EVC: variants seen among roughly 807,000 people sequenced by gnomAD.
The protein encoded by EVC is evC complex member EVC.
A neutral mutation model predicts 118.9 loss-of-function variants in EVC; 116 were observed. The observed-to-expected ratio is 0.98, with a 90% CI of 0.84 to 1.14. The LOEUF is 1.14. Ranked by LOEUF, EVC falls within the 50% of genes most tolerant of loss-of-function variation. The pLI is 0.00. For missense variants in EVC, 1,401 were observed against 1,246.4 expected (o/e 1.12, Z -1.87); for synonymous variants, 619 against 534.7 (o/e 1.16, Z -2.18).
chr4:5,824,291 T>G, the EVC span: 1 of 985,372 alleles, frequency 1.0e-6, no homozygotes, highest in Non-Finnish European at 1.2e-6. Context: ...CACATGACTT[T>G]TAGCATTCTA....
chr4:5,818,845 G>A (rs1421535547), downstream of EVC, among the ~76,000 whole-genome samples: 2 of 152,218 alleles, frequency 1.3e-5, no homozygotes, highest in East Asian at 1.9e-4. Flanking sequence ...TTCAGTTACA[G>A]TGATGCCAAA....
intron 15 of EVC, among the ~76,000 whole-genome samples, chr4:5,799,465 G>A (rs548351595): frequency 1.3e-5 from 2 of 152,322 alleles, no homozygotes; most frequent in South Asian, 2.1e-4. Context: ...TTGGGCAAAT[G>A]ATACATTTCC....
intron 2 of EVC, among the ~76,000 whole-genome samples, chr4:5,727,733 T>C (rs1726099144): frequency 6.6e-6 from 1 of 151,974 alleles, no homozygotes; most frequent in Non-Finnish European, 1.5e-5. Context: ...TTAATCCTTT[T>C]TGAATTGATT....
chr4:5,725,478 T>C (rs894950544), intron 2 of EVC, among the ~76,000 whole-genome samples: 1 of 152,244 alleles, frequency 6.6e-6, no homozygotes, highest in Non-Finnish European at 1.5e-5. Context: ...TGATCAGTGA[T>C]GTTGAGCTTT....
chr4:5,740,622 C>G (rs1728394931), intron 5 of EVC, among the ~76,000 whole-genome samples: 1 of 152,000 alleles, frequency 6.6e-6, no homozygotes, highest in Non-Finnish European at 1.5e-5. Context: ...TTTTGCTTTG[C>G]AAAAGACCTC....
chr4:5,802,217 T>C, intron 16 of EVC, 123 bp downstream of exon 16: 1 of 1,357,898 alleles, frequency 7.4e-7, no homozygotes, highest in Non-Finnish European at 1.0e-6. Flanking sequence ...TTTCAGTGTT[T>C]TAATGTATTT....
intron 4 of EVC, among the ~76,000 whole-genome samples, chr4:5,732,528 C>T (rs62298654): frequency 0.016 from 2,449 of 152,296 alleles, 31 homozygotes; most frequent in Non-Finnish European, 0.025. Flanking sequence ...ATTTAAAATG[C>T]ATTTGCCTAT....
chr4:5,803,017 G>A (rs1214804412), intron 16 of EVC, among the ~76,000 whole-genome samples: 1 of 152,220 alleles, frequency 6.6e-6, no homozygotes, highest in Non-Finnish European at 1.5e-5. Context: ...GTGACCATGA[G>A]TCCAGTGGTC....
intron 8 of EVC, among the ~76,000 whole-genome samples, chr4:5,748,660 CCA>C (rs1177970516): frequency 0.017 from 1,896 of 109,954 alleles, 112 homozygotes; most frequent in Non-Finnish European, 0.025. Flanking sequence ...ATCCATCCAT[CCA>C]TCCCTCCATC....
intron 2 of EVC, among the ~76,000 whole-genome samples, chr4:5,726,229 A>T (rs1018854103): frequency 1.3e-5 from 2 of 152,246 alleles, no homozygotes; most frequent in African/African-American, 2.4e-5. Context: ...GGATTGACAC[A>T]GATGCAGTTT....
At chr4:5,824,483 C>CCTCT in the EVC span, 75 of 942,316 alleles carry the variant, frequency 8.0e-5, no homozygotes, top group Admixed American at 6.3e-4. Flanking sequence ...CACACGTCAT[C>CCTCT]CTCTCTCTCT....
chr4:5,769,939 C>G (rs1376305472), intron 11 of EVC, among the ~76,000 whole-genome samples: 2 of 152,124 alleles, frequency 1.3e-5, no homozygotes, highest in African/African-American at 4.8e-5. Flanking sequence ...TGAAGATCCC[C>G]CTCAGGCTCT....
chr4:5,789,592 C>T lies in EVC; in HGVS notation c.1777-4016C>T, dbSNP rs1462356087. 6.6e-6 allele frequency among the ~76,000 whole-genome samples: 1 copy of T among 152,190 alleles called. No individual in the cohort carries two copies. The highest frequency in any genetic ancestry group is 2.4e-5 in the African/African-American group (1 of 41,440). On this transcript the variant is annotated intron_variant, in intron 12 of 20. Transcript: ENST00000264956. The surrounding 1 kb of genome is among the most constrained non-coding windows in gnomAD (Gnocchi z 4.3). The stretch of plus-strand genomic sequence containing the variant: ...AATCAATAGATCTTTCCCTTTCTCC[C>T]CATAATACATGAGAGTTTGAAACAA...
chr4:5,766,883 T>C (rs1732958189), intron 11 of EVC, among the ~76,000 whole-genome samples: 1 of 152,016 alleles, frequency 6.6e-6, no homozygotes, highest in African/African-American at 2.4e-5. Flanking sequence ...TTTGATCGTC[T>C]GAAGCCTTCT....
At chr4:5,827,897 TA>T in the EVC span, 2 of 428,880 alleles carry the variant, frequency 4.7e-6, no homozygotes, top group Non-Finnish European at 6.2e-6. Context: ...TGAGTTGCTC[TA>T]AAGTTAGGAA....
intron 11 of EVC, among the ~76,000 whole-genome samples, chr4:5,778,148 T>A (rs1735003149): frequency 6.6e-6 from 1 of 151,604 alleles, no homozygotes; most frequent in Non-Finnish European, 1.5e-5. Flanking sequence ...TTCATCCATG[T>A]CCCTACAAAG....
chr4:5,800,227 C>T (rs187533013), intron 15 of EVC, among the ~76,000 whole-genome samples: 1 of 152,262 alleles, frequency 6.6e-6, no homozygotes, highest in Non-Finnish European at 1.5e-5. Context: ...CGCCTGTAAT[C>T]CCAGCTACTC....
intron 11 of EVC, among the ~76,000 whole-genome samples, chr4:5,775,425 T>C (rs1734578006): frequency 6.6e-6 from 1 of 152,156 alleles, no homozygotes; most frequent in Non-Finnish European, 1.5e-5. Context: ...ATCATCCAGC[T>C]GATACAGAAA....
intron 2 of EVC, among the ~76,000 whole-genome samples, chr4:5,728,554 A>G (rs1246499254): frequency 6.6e-6 from 1 of 152,172 alleles, no homozygotes; most frequent in East Asian, 1.9e-4. Context: ...TCCTAATTGA[A>G]TACCCTTTAT....
Sources: allele counts gnomAD v4.1 joint callset (sites outside exome capture counted in the v4.1 genomes callset), GRCh38; gene constraint gnomAD v4.1.1; non-coding constraint Gnocchi (gnomAD v3.1); transcripts MANE v1.5; gene names NCBI Gene and HGNC (gene_info 2026-07-23, HGNC 2026-07-21).